Variants in WASHC2A observed in about 807,000 individuals in gnomAD.
The protein encoded by WASHC2A is WASH complex subunit FAM21A.
Under a neutral mutation model 140.3 loss-of-function variants are expected in WASHC2A, and 82 were observed. That is an observed-to-expected ratio of 0.58 (90% CI 0.49 to 0.70). The LOEUF (loss-of-function observed/expected upper bound fraction) is 0.70, where lower values mean the gene tolerates loss of function less well. Ranked by LOEUF, WASHC2A falls within the 30% of genes least tolerant of loss-of-function variation. The pLI, the probability that WASHC2A is intolerant of heterozygous loss-of-function variation, is 0.00. For synonymous variants in WASHC2A, 340 were observed against 560.8 expected (o/e 0.61, Z 5.56); for missense variants, 985 against 1,521.8 (o/e 0.65, Z 5.87).
Position 50,069,902 on chromosome 10 carries a change from A to G in WASHC2A, c.291+191A>G, listed in dbSNP as rs546015047. ...TAAGTCCTTTTTTCCAAGCCTCTAA[A>G]AAAGTCTAATGATAACATTTTCTTA... On this transcript the variant is annotated intron_variant, in intron 3 of 30. Transcript: ENST00000282633. Among the ~76,000 whole-genome samples, 184 of 152,306 alleles carry G rather than the reference A, an allele frequency of 1.2e-3. 1 individual carries two copies. The highest frequency in any genetic ancestry group is 4.3e-3 in the African/African-American group (180 of 41,548).
intron 3 of WASHC2A, among the ~76,000 whole-genome samples, chr10:50,075,817 A>T (rs782533503): frequency 6.6e-6 from 1 of 152,140 alleles, no homozygotes; most frequent in Non-Finnish European, 1.5e-5. Context: ...ATGTCTTATT[A>T]GGGCAAGTCC....
chr10:50,073,428 C>T (rs1475186479), intron 3 of WASHC2A, among the ~76,000 whole-genome samples: 1 of 151,488 alleles, frequency 6.6e-6, no homozygotes, highest in Non-Finnish European at 1.5e-5. Context: ...TAATGGGACA[C>T]TAGGCATAAA....
Position 50,133,471 on chromosome 10 carries a change from C to G in WASHC2A, c.*526C>G, listed in dbSNP as rs1369885543. ...TGGCAAACTGTGGCCCCCCCACTGTCATATTTTGTTAATAAAATTTTATTG... is the reference window on the plus strand; with the variant it reads ...TGGCAAACTGTGGCCCCCCCACTGTGATATTTTGTTAATAAAATTTTATTG... On this transcript the variant is annotated 3_prime_UTR_variant, in exon 31 of 31. Coordinates refer to ENST00000282633, the MANE Select transcript of WASHC2A (RefSeq NM_001005751.3). 1 of 469,472 alleles carries G rather than the reference C, an allele frequency of 2.1e-6. No individual in the cohort carries two copies. Among genetic ancestry groups the G allele is most frequent in the African/African-American group, 2.0e-5 (1 of 50,020 alleles). The allele number at this position is 469,472 out of a possible 1,614,324, so 29.1% of individuals were successfully genotyped here. A position where few individuals can be genotyped will look rare whatever the true frequency, so the allele number is the denominator to read the frequency against.
At chr10:50,114,384 A>G (rs1303020394) in intron 21 of WASHC2A, among the ~76,000 whole-genome samples, 1 of 92,596 alleles carries the variant, frequency 1.1e-5, no homozygotes, top group African/African-American at 4.3e-5. Flanking sequence ...CACATGTGCT[A>G]CAAAATGCAT....
At chr10:50,098,953 T>A (rs1554885572) in intron 16 of WASHC2A, among the ~76,000 whole-genome samples, 1 of 151,042 alleles carries the variant, frequency 6.6e-6, no homozygotes, top group Non-Finnish European at 1.5e-5. Flanking sequence ...CCACACTGCT[T>A]CATTGGAAAG....
At chr10:50,109,247 G>T (rs1306196428) in intron 19 of WASHC2A, among the ~76,000 whole-genome samples, 4 of 152,216 alleles carry the variant, frequency 2.6e-5, no homozygotes, top group Non-Finnish European at 5.9e-5. Flanking sequence ...TGATTTGAAG[G>T]GGTGTGAGCA....
intron 8 of WASHC2A, among the ~76,000 whole-genome samples, chr10:50,088,479 G>C (rs1485938399): frequency 2.0e-5 from 3 of 151,880 alleles, no homozygotes; most frequent in African/African-American, 7.3e-5. Context: ...TGTTTCCCAG[G>C]CTGGTCTTGA....
At chr10:50,105,179 T>C (rs1358312881) in intron 18 of WASHC2A, among the ~76,000 whole-genome samples, 1 of 151,954 alleles carries the variant, frequency 6.6e-6, no homozygotes, top group Non-Finnish European at 1.5e-5. Flanking sequence ...GGCAGCCATG[T>C]CCTGACCATT....
chr10:50,099,430 CG>C (rs1840844103), intron 16 of WASHC2A, among the ~76,000 whole-genome samples: 1 of 150,428 alleles, frequency 6.6e-6, no homozygotes, highest in African/African-American at 2.5e-5. Context: ...CCACCATGCC[CG>C]GCTAATTTTT....
At chr10:50,071,907 CTT>C (rs1178158252) in intron 3 of WASHC2A, among the ~76,000 whole-genome samples, 3 of 139,970 alleles carry the variant, frequency 2.1e-5, no homozygotes, top group Middle Eastern at 3.7e-3. Flanking sequence ...TTAGCCTTAG[CTT>C]TTTTTTTTTT....
chr10:50,070,346 G>C (rs1479707334), intron 3 of WASHC2A, among the ~76,000 whole-genome samples: 2 of 152,036 alleles, frequency 1.3e-5, no homozygotes, highest in African/African-American at 4.8e-5. Flanking sequence ...CTGGAGCAGA[G>C]TGGAGACTTA....
intron 29 of WASHC2A, among the ~76,000 whole-genome samples, chr10:50,130,640 GT>G (rs1843876876): frequency 6.6e-6 from 1 of 152,210 alleles, no homozygotes; most frequent in South Asian, 2.1e-4. Context: ...CTGGGGCAGA[GT>G]GGTGGGTAGG....
At chr10:50,068,466 T>C (rs541748654) in intron 2 of WASHC2A, among the ~76,000 whole-genome samples, 18,106 of 150,250 alleles carry the variant, frequency 0.12, 1,301 homozygotes, top group Middle Eastern at 0.23. Flanking sequence ...CTGGCTCAGC[T>C]CCATCCGGAG....
chr10:50,079,725 A>C (rs1359343380), intron 4 of WASHC2A, among the ~76,000 whole-genome samples: 3 of 152,168 alleles, frequency 2.0e-5, no homozygotes, highest in African/African-American at 7.2e-5. Flanking sequence ...ATAGAACTCA[A>C]GGATTTGCTA....
intron 11 of WASHC2A, among the ~76,000 whole-genome samples, chr10:50,092,459 C>T (rs1840024040): frequency 6.6e-6 from 1 of 152,046 alleles, no homozygotes; most frequent in Non-Finnish European, 1.5e-5. Flanking sequence ...AGTTTAAGAC[C>T]AGCCTGGCCA....
chr10:50,090,437 A>G (rs1839779216), intron 8 of WASHC2A, among the ~76,000 whole-genome samples: 1 of 147,470 alleles, frequency 6.8e-6, no homozygotes, highest in African/African-American at 2.5e-5. Context: ...GGGCAGGCAG[A>G]GGTTGCAGTG....
Position 50,090,404 on chromosome 10 carries a change from G to GAGGCAGGA in WASHC2A, c.733-371_733-364dup, listed in dbSNP as rs1217765477. ...TGTAATCCCAGCTACTCGGAAGGCC[G>GAGGCAGGA]AGGCAGGAGAATAGCATGAACTGGG... On this transcript the variant is annotated intron_variant, in intron 8 of 30. Coordinates refer to ENST00000282633, the MANE Select transcript of WASHC2A (RefSeq NM_001005751.3). Among the ~76,000 whole-genome samples the GAGGCAGGA allele has an allele frequency of 2.7e-5, 4 of 149,850 alleles. 1 individual carries two copies. Among genetic ancestry groups the GAGGCAGGA allele is most frequent in the African/African-American group, 9.8e-5 (4 of 40,904 alleles).
chr10:50,129,444 G>A lies in WASHC2A; in HGVS notation c.3113G>A (p.Arg1038His), dbSNP rs1336069461. 4.3e-6 allele frequency: 7 copies of A among 1,611,910 alleles called. No homozygotes were observed. The highest frequency in any genetic ancestry group is 1.3e-5 in the African/African-American group (1 of 74,856). Residue 1038 changes from arginine to histidine, a missense_variant, in exon 29 of 31, where the codon CGT becomes CAT. Arg to His is a conservative substitution (Grantham distance 29). Coordinates refer to ENST00000282633, the MANE Select transcript of WASHC2A (RefSeq NM_001005751.3). The stretch of plus-strand genomic sequence containing the variant: ...AGCCGTGTCAAGATGAGAGGGAAGC[G>A]TAGACCGCAGACCCGTGCAGCTAGG... ...NKSRVKMRGK[R>H]RPQTRAARRL...
intron 11 of WASHC2A, among the ~76,000 whole-genome samples, chr10:50,092,871 A>C (rs1177775919): frequency 6.6e-6 from 1 of 152,132 alleles, no homozygotes; most frequent in Non-Finnish European, 1.5e-5. Flanking sequence ...AGCCATGTCC[A>C]TTACATTAGA....
Sources: allele counts gnomAD v4.1 joint callset (sites outside exome capture counted in the v4.1 genomes callset), GRCh38; gene constraint gnomAD v4.1.1; transcripts MANE v1.5; gene names NCBI Gene and HGNC (gene_info 2026-07-23, HGNC 2026-07-21).